The following PCDHGA11 variants were observed in gnomAD, a reference collection of about 807,000 sequenced individuals.
PCDHGA11 encodes the protein protocadherin gamma-A11.
In PCDHGA11, 39 loss-of-function variants were observed where a neutral mutation model predicts 60.4. The observed-to-expected ratio is 0.65, with a 90% CI of 0.50 to 0.84. The LOEUF (loss-of-function observed/expected upper bound fraction) is 0.84. Ranked by LOEUF, PCDHGA11 falls within the 40% of genes least tolerant of loss-of-function variation. The probability of loss-of-function intolerance (pLI) is 0.00; values close to 1 mark genes in which losing one functional copy is unlikely to be tolerated. For missense variants in PCDHGA11, 1,165 were observed against 1,197.7 expected (o/e 0.97, Z 0.40); for synonymous variants, 533 against 510.3 (o/e 1.04, Z -0.60).
chr5:141,422,633 G>T lies in PCDHGA11; in HGVS notation c.1406G>T (p.Gly469Val), dbSNP rs769515606. 10 of 1,613,120 alleles carry T rather than the reference G, an allele frequency of 6.2e-6. No individual in the cohort carries two copies. In the East Asian group the frequency reaches 2.0e-4, roughly 32 times the overall value. ...SAYIPENNPR[G>V]ASIFSVTALD... ...TACATTCCCGAAAACAACCCCAGGG[G>T]TGCCTCCATCTTCTCAGTGACCGCC... Residue 469 changes from glycine (G) to valine (V), a missense_variant, in exon 1 of 4, where the codon GGT (glycine) becomes GTT (valine). Coordinates refer to ENST00000398587, the MANE Select transcript of PCDHGA11 (RefSeq NM_018914.3).
chr5:141,429,169 TACACACACACACACACACAC>T (rs10667977), intron 1 of PCDHGA11: 4 of 145,394 alleles, frequency 2.8e-5, no homozygotes, highest in Non-Finnish European at 6.0e-5. Flanking sequence ...ACATTGTTTA[TACACACACACACACACACAC>T]ACACACACAC....
At chr5:141,510,860 G>A (rs1274817106) in intron 3 of PCDHGA11, 87 bp from the exon 4 acceptor site, 11 of 1,606,558 alleles carry the variant, frequency 6.8e-6, no homozygotes, top group South Asian at 4.4e-5. Context: ...GTGCTGTATA[G>A]GCATTCATTA....
intron 3 of PCDHGA11, among the ~76,000 whole-genome samples, chr5:141,510,624 A>C (rs2099881973): frequency 6.6e-6 from 1 of 152,164 alleles, no homozygotes; most frequent in African/African-American, 2.4e-5. Flanking sequence ...TAAAACCAGA[A>C]GAGGTGGTTA....
At chr5:141,423,785 A>G (rs531378008) in intron 1 of PCDHGA11, 125 bp downstream of exon 1, 48 of 1,269,536 alleles carry the variant, frequency 3.8e-5, no homozygotes, top group Non-Finnish European at 4.4e-5. Context: ...TTTAGTTCAT[A>G]TATATTTAGA....
rs1156915249 is a variant in PCDHGA11, at chr5:141,426,840, G to C, written c.2433+3180G>C. 8.8e-6 allele frequency: 4 copies of C among 456,584 alleles called. No individual in the cohort carries two copies. In the East Asian group the frequency reaches 2.8e-4, roughly 32 times the overall value. The allele number at this position is 456,584 out of a possible 1,614,324, so 28.3% of individuals were successfully genotyped here. A position where few individuals can be genotyped will look rare whatever the true frequency, so the allele number is the denominator to read the frequency against. On this transcript the variant is annotated intron_variant, in intron 1 of 3. Transcript: ENST00000398587. Reference sequence around the variant, plus strand: ...CTCTCTGATGATGGACAAGACTAAAGGCAAGAACGCTCCAGAATTAGTGCT... The same window carrying C: ...CTCTCTGATGATGGACAAGACTAAACGCAAGAACGCTCCAGAATTAGTGCT...
At chr5:141,507,106 A>T (rs1205648425) in intron 3 of PCDHGA11, 1 of 152,118 alleles carries the variant, frequency 6.6e-6, no homozygotes, top group African/African-American at 2.4e-5. Context: ...TACTATAGGG[A>T]CCATGGCTGC....
rs760216287 is a variant in PCDHGA11, at chr5:141,423,140, C to T, written c.1913C>T (p.Ala638Val). 7 of 1,613,498 alleles carry T rather than the reference C, an allele frequency of 4.3e-6. No homozygotes were observed. The highest frequency in any genetic ancestry group is 2.5e-6 in the Non-Finnish European group (3 of 1,179,934). The part of the protein sequence containing the change: ...RTARALLDRD[A>V]LKQSLVVAVQ... ...GCGCGGGCACTGCTGGACAGAGACG[C>T]GCTCAAGCAGAGCCTCGTGGTGGCC... The change falls in exon 1 of 4, where the codon GCG becomes GTG. Residue 638 changes from alanine to valine, a missense_variant. Physicochemically the swap from Ala to Val is moderately conservative, Grantham distance 64. Coordinates refer to ENST00000398587, the MANE Select transcript of PCDHGA11 (RefSeq NM_018914.3).
intron 1 of PCDHGA11, among the ~76,000 whole-genome samples, chr5:141,449,103 A>G (rs1033077737): frequency 2.0e-5 from 3 of 152,206 alleles, no homozygotes; most frequent in African/African-American, 7.2e-5. Context: ...CATATGCAGT[A>G]TATCTTTGGG....
Position 141,510,977 on chromosome 5 carries a change from G to T in PCDHGA11, c.2612G>T (p.Gly871Val). 1.2e-6 allele frequency: 2 copies of T among 1,614,170 alleles called. No individual in the cohort carries two copies. Among genetic ancestry groups the T allele is most frequent in the Non-Finnish European group, 1.7e-6 (2 of 1,180,020 alleles). The change falls in exon 4 of 4, where the codon GGG becomes GTG. Residue 871 changes from glycine to valine, a missense_variant. Physicochemically the swap from Gly to Val is moderately radical, Grantham distance 109. Transcript: ENST00000398587. ...GCTGATGGGAGCTCCACCCTGGGAG[G>T]GGGTGCCGGCACCATGGGATTGAGC... ...EAADGSSTLG[G>V]GAGTMGLSAR...
intron 1 of PCDHGA11, among the ~76,000 whole-genome samples, chr5:141,482,488 G>C (rs1401943298): frequency 7.7e-6 from 1 of 130,410 alleles, no homozygotes; most frequent in African/African-American, 3.1e-5. Context: ...ACAATTAAAA[G>C]TTATCATTCT....
chr5:141,491,817 G>T lies in PCDHGA11; in HGVS notation c.2434-2990G>T. On this transcript the variant is annotated intron_variant, in intron 1 of 3. Transcript: ENST00000398587. The surrounding 1 kb of genome is among the most constrained non-coding windows in gnomAD (Gnocchi z 6.9). ...TCTCCGGCCGGCTTGGTCGCTGGCT[G>T]CGCTCCACCCGATTCTCGGGATCAT... 1.3e-6 allele frequency: 2 copies of T among 1,484,188 alleles called. No homozygotes were observed. The highest frequency in any genetic ancestry group is 1.8e-6 in the Non-Finnish European group (2 of 1,117,664). 91.9% of individuals were successfully genotyped at this position (1,484,188 alleles called of 1,614,324 possible).
chr5:141,489,427 C>G lies in PCDHGA11; in HGVS notation c.2434-5380C>G, dbSNP rs370540900. ...AAAGATGACAGATCTGTTGAGCCGG[C>G]GGCTGCAATTGGGCTCTGAGGAGAA... On this transcript the variant is annotated intron_variant, in intron 1 of 3. Transcript: ENST00000398587. The surrounding 1 kb of genome is among the most constrained non-coding windows in gnomAD (Gnocchi z 4.5). 6.2e-7 allele frequency: 1 copy of G among 1,614,108 alleles called. No homozygotes were observed. Among genetic ancestry groups the G allele is most frequent in the South Asian group, 1.1e-5 (1 of 91,086 alleles).
intron 1 of PCDHGA11, among the ~76,000 whole-genome samples, chr5:141,464,240 G>A (rs1396190870): frequency 1.3e-5 from 2 of 150,444 alleles, no homozygotes; most frequent in Non-Finnish European, 2.9e-5. Context: ...ACTCCAGCCT[G>A]GGCTACAGAG....
intron 1 of PCDHGA11, among the ~76,000 whole-genome samples, chr5:141,425,410 A>G (rs1283299220): frequency 2.0e-5 from 3 of 152,240 alleles, no homozygotes; most frequent in African/African-American, 7.2e-5. Flanking sequence ...TTAAGGTATA[A>G]CATATAGTCC....
intron 1 of PCDHGA11, among the ~76,000 whole-genome samples, chr5:141,481,443 C>T (rs971405190): frequency 1.3e-5 from 2 of 152,174 alleles, no homozygotes; most frequent in African/African-American, 4.8e-5. Flanking sequence ...CAGTTTAGTA[C>T]ATGTAAATAC....
chr5:141,483,444 T>C (rs956913442), intron 1 of PCDHGA11, among the ~76,000 whole-genome samples: 1 of 152,108 alleles, frequency 6.6e-6, no homozygotes, highest in African/African-American at 2.4e-5. Context: ...TACAATAAAA[T>C]CATCAGGACT....
Position 141,476,008 on chromosome 5 carries a change from G to T in PCDHGA11, c.2434-18799G>T. 1 of 1,282,144 alleles carries T rather than the reference G, an allele frequency of 7.8e-7. No homozygotes were observed. Among genetic ancestry groups the T allele is most frequent in the Non-Finnish European group, 1.1e-6 (1 of 935,996 alleles). 79.4% of individuals were successfully genotyped at this position (1,282,144 alleles called of 1,614,324 possible). On this transcript the variant is annotated intron_variant, in intron 1 of 3. Coordinates refer to ENST00000398587, the MANE Select transcript of PCDHGA11 (RefSeq NM_018914.3). This position sits in a 1 kb window ranked among gnomAD's most constrained non-coding sequence, Gnocchi z 7.6. ...CGAGCAAATCAACGGCATCCAGAAA[G>T]CCATGTCGGACTCGGCGCCCAGCGC... is the stretch of plus-strand genomic sequence containing the variant.
chr5:141,481,691 C>T (rs929210528), intron 1 of PCDHGA11, among the ~76,000 whole-genome samples: 7 of 152,080 alleles, frequency 4.6e-5, no homozygotes, highest in African/African-American at 1.4e-4. Flanking sequence ...TGGTGGCTCA[C>T]GCCTGTAATC....
In PCDHGA11 at chr5:141,428,992, C is replaced by A. The variant is rs986416866; in HGVS notation, c.2433+5332C>A. The A allele has an allele frequency of 1.3e-4, 20 of 152,092 alleles. 1 individual carries two copies. Among genetic ancestry groups the A allele is most frequent in the Admixed American group, 1.2e-3 (18 of 15,248 alleles). 9.4% of individuals were successfully genotyped at this position (152,092 alleles called of 1,614,324 possible). On this transcript the variant is annotated intron_variant, in intron 1 of 3. Transcript: ENST00000398587. Reference sequence around the variant, plus strand: ...GCCTCAGCCTCCCGGGTAGCTGGGACTACAGGCGCCCGCCACCACGCCCGG... The same window carrying A: ...GCCTCAGCCTCCCGGGTAGCTGGGAATACAGGCGCCCGCCACCACGCCCGG...
Sources: gnomAD v4.1 joint callset for allele counts (sites outside exome capture counted in the v4.1 genomes callset) on GRCh38, gnomAD v4.1.1 for gene constraint, Gnocchi (gnomAD v3.1) non-coding constraint, MANE v1.5 for transcripts, NCBI Gene and HGNC (gene_info 2026-07-23, HGNC 2026-07-21) for gene names.